SPATA16: variants seen among roughly 807,000 people sequenced by gnomAD.
SPATA16 encodes the protein spermatogenesis associated 16, also known as spermatogenesis-associated protein 16.
A neutral mutation model predicts 63.3 loss-of-function variants in SPATA16; 36 were observed. That is an observed-to-expected ratio of 0.57 (90% CI 0.44 to 0.75). The LOEUF (loss-of-function observed/expected upper bound fraction) is 0.75. Among genes scored for constraint, SPATA16 ranks in the 30% least tolerant of loss-of-function variants. The pLI is 0.00. For synonymous variants in SPATA16, 203 were observed against 216.7 expected (o/e 0.94, Z 0.56); for missense variants, 646 against 679.3 (o/e 0.95, Z 0.54).
In SPATA16 at chr3:173,048,325, C is replaced by A. The variant is rs559502895; in HGVS notation, c.758+624G>T. ...TGATTATTATCCATGAGAGAAAGAC[C>A]CCTAAAACATAAAATACAGGAGAGA... On this transcript the variant is annotated intron_variant, in intron 3 of 10. Transcript: ENST00000351008. 4.0e-5 allele frequency among the ~76,000 whole-genome samples: 6 copies of A among 151,812 alleles called. No individual in the cohort carries two copies. In the South Asian group the frequency reaches 8.3e-4, roughly 21 times the overall value.
chr3:172,978,883 A>C (rs1734229539), intron 4 of SPATA16, among the ~76,000 whole-genome samples: 1 of 152,222 alleles, frequency 6.6e-6, no homozygotes, highest in African/African-American at 2.4e-5. Flanking sequence ...GTTTAACTCT[A>C]AAATAAGAAA....
intron 3 of SPATA16, among the ~76,000 whole-genome samples, chr3:173,025,514 T>C (rs1310889916): frequency 6.6e-6 from 1 of 151,896 alleles, no homozygotes; most frequent in Non-Finnish European, 1.5e-5. Context: ...AAGTATATAG[T>C]TTGGTCTGTT....
Position 172,916,328 on chromosome 3 carries a change from C to G in SPATA16, c.1492G>C (p.Glu498Gln), listed in dbSNP as rs146640459. Residue 498 changes from glutamate (E) to glutamine (Q), a missense_variant, in exon 9 of 11, where the codon GAG (glutamate) becomes CAG (glutamine). Coordinates refer to ENST00000351008, the MANE Select transcript of SPATA16 (RefSeq NM_031955.6). Reference protein sequence around the residue: ...IPYLQDISQQEAELLQSLMAD... With the variant: ...IPYLQDISQQQAELLQSLMAD... ...AGAAAAATACTTACCAATTCTGCCT[C>G]CTGTTGACTGATGTCCTGTAGGTAG... The G allele has an allele frequency of 6.2e-7, 1 of 1,613,390 alleles. No individual in the cohort carries two copies. The highest frequency in any genetic ancestry group is 8.5e-7 in the Non-Finnish European group (1 of 1,179,556).
chr3:172,987,332 G>A lies in SPATA16; in HGVS notation c.849-10280C>T, dbSNP rs374583165. 1.1e-3 allele frequency among the ~76,000 whole-genome samples: 174 copies of A among 152,204 alleles called. 1 individual carries two copies. Among genetic ancestry groups the A allele is most frequent in the African/African-American group, 4.0e-3 (167 of 41,528 alleles). Reference sequence around the variant, plus strand: ...GGTAAACCTTAGAGAAGCTTCCTTCGCACTCATTTTTCAAGAGCTCCTCCT... The same window carrying A: ...GGTAAACCTTAGAGAAGCTTCCTTCACACTCATTTTTCAAGAGCTCCTCCT... On this transcript the variant is annotated intron_variant, in intron 4 of 10. Transcript: ENST00000351008.
rs1003148067 is a variant in SPATA16, at chr3:173,064,055, C to T, written c.613-14961G>A. On this transcript the variant is annotated intron_variant, in intron 2 of 10. Coordinates refer to ENST00000351008, the MANE Select transcript of SPATA16 (RefSeq NM_031955.6). ...GGTGCAGTGGCTCATGCCTGTAATC[C>T]CAGCACTTGGGAGGCTGAGGCAGGC... 6.6e-5 allele frequency among the ~76,000 whole-genome samples: 10 copies of T among 152,164 alleles called. 1 individual carries two copies. The highest frequency in any genetic ancestry group is 3.4e-3 in the Middle Eastern group (1 of 294).
chr3:172,914,532 T>G (rs1227492421), intron 9 of SPATA16, among the ~76,000 whole-genome samples: 3 of 152,142 alleles, frequency 2.0e-5, no homozygotes, highest in Non-Finnish European at 4.4e-5. Context: ...GGAGGAGAGA[T>G]AATTGAGTCA....
At chr3:172,901,345 A>G (rs764405966) in intron 10 of SPATA16, among the ~76,000 whole-genome samples, 1 of 152,164 alleles carries the variant, frequency 6.6e-6, no homozygotes, top group Non-Finnish European at 1.5e-5. Context: ...GACTACAGGC[A>G]TGTGCCATCA....
At chr3:172,934,161 C>T (rs191390173) in intron 6 of SPATA16, among the ~76,000 whole-genome samples, 141 of 151,862 alleles carry the variant, frequency 9.3e-4, no homozygotes, top group Non-Finnish European at 1.4e-3. Context: ...TTCTACATCT[C>T]ACAGAAAATG....
At chr3:172,976,900 C>G in intron 5 of SPATA16, 68 bp downstream of exon 5, 1 of 1,289,246 alleles carries the variant, frequency 7.8e-7, no homozygotes, top group South Asian at 1.2e-5. Context: ...CTTTTAAGCA[C>G]CAATCTTTCA....
At chr3:173,078,548 T>C (rs1736856210) in intron 2 of SPATA16, among the ~76,000 whole-genome samples, 1 of 152,214 alleles carries the variant, frequency 6.6e-6, no homozygotes, top group Non-Finnish European at 1.5e-5. Context: ...CCACATCATA[T>C]TGTGATTCTG....
At chr3:172,949,340 G>A (rs1234698320) in intron 6 of SPATA16, among the ~76,000 whole-genome samples, 1 of 152,142 alleles carries the variant, frequency 6.6e-6, no homozygotes, top group East Asian at 1.9e-4. Flanking sequence ...CTCGTAAGGT[G>A]TAGGTTAATT....
chr3:173,078,341 T>G (rs1326978182), intron 2 of SPATA16, among the ~76,000 whole-genome samples: 2 of 152,148 alleles, frequency 1.3e-5, no homozygotes, highest in Non-Finnish European at 2.9e-5. Context: ...AGGAAATTTC[T>G]ACATCTCTCT....
At chr3:173,081,839 C>T (rs1293254272) in intron 2 of SPATA16, among the ~76,000 whole-genome samples, 1 of 152,080 alleles carries the variant, frequency 6.6e-6, no homozygotes, top group East Asian at 1.9e-4. Flanking sequence ...TAATATTCAC[C>T]ATTAAGTATG....
At chr3:173,025,776 A>G (rs1349709286) in intron 3 of SPATA16, among the ~76,000 whole-genome samples, 2 of 152,010 alleles carry the variant, frequency 1.3e-5, no homozygotes, top group Non-Finnish European at 2.9e-5. Flanking sequence ...ATATTATTGT[A>G]TGTATCAATA....
At chr3:173,080,818 C>T (rs1209315502) in intron 2 of SPATA16, among the ~76,000 whole-genome samples, 1 of 152,066 alleles carries the variant, frequency 6.6e-6, no homozygotes, top group East Asian at 1.9e-4. Flanking sequence ...GAAAGTCCTG[C>T]CTTTTGCATA....
At chr3:172,952,994 G>T (rs1216972844) in intron 6 of SPATA16, among the ~76,000 whole-genome samples, 1 of 148,378 alleles carries the variant, frequency 6.7e-6, no homozygotes, top group Non-Finnish European at 1.5e-5. Context: ...GCCAGTTTTT[G>T]CCATATTAAG....
At chr3:173,063,807 T>A (rs1187262158) in intron 2 of SPATA16, among the ~76,000 whole-genome samples, 1 of 152,194 alleles carries the variant, frequency 6.6e-6, no homozygotes, top group Non-Finnish European at 1.5e-5. Flanking sequence ...AATGTTGGAA[T>A]AACCAAACTA....
rs770276812 is a variant in SPATA16 at position 173,113,905 on chromosome 3, C to T, written c.612+3215G>A. On this transcript the variant is annotated intron_variant, in intron 2 of 10. Transcript: ENST00000351008. ...AACCATTCTGAATGCCTCTGCTGGG[C>T]GCAGTGGCTCATGCCTGTAATCCCA... 2.0e-4 allele frequency among the ~76,000 whole-genome samples: 31 copies of T among 152,120 alleles called. No individual in the cohort carries two copies. In the East Asian group the frequency reaches 3.5e-3, roughly 17 times the overall value.
chr3:173,005,992 T>G (rs569490300), intron 4 of SPATA16, among the ~76,000 whole-genome samples: 1 of 152,314 alleles, frequency 6.6e-6, no homozygotes, highest in South Asian at 2.1e-4. Context: ...ACTATAAACT[T>G]GAAGTTTTAC....
Sources: gnomAD v4.1 joint callset for allele counts (sites outside exome capture counted in the v4.1 genomes callset) on GRCh38, gnomAD v4.1.1 for gene constraint, MANE v1.5 for transcripts, NCBI Gene and HGNC (gene_info 2026-07-23, HGNC 2026-07-21) for gene names.